DDX6: variants seen among roughly 807,000 people sequenced by gnomAD.
The protein encoded by DDX6 is DEAD-box helicase 6, also known as probable ATP-dependent RNA helicase DDX6.
Under a neutral mutation model 60.6 loss-of-function variants are expected in DDX6, and 7 were observed. The observed-to-expected ratio is 0.12, with a 90% CI of 0.07 to 0.22. The LOEUF (loss-of-function observed/expected upper bound fraction) is 0.22, where lower values mean the gene tolerates loss of function less well. DDX6 is among the 10% of genes least tolerant of loss of function. The probability of loss-of-function intolerance (pLI) is 1.00; values close to 1 mark genes in which losing one functional copy is unlikely to be tolerated. For missense variants in DDX6, 270 were observed against 589.9 expected (o/e 0.46, Z 5.62); for synonymous variants, 207 against 201.0 (o/e 1.03, Z -0.25).
At chr11:118,790,692 A>C (rs954116487) in intron 1 of DDX6, among the ~76,000 whole-genome samples, 2 of 151,740 alleles carry the variant, frequency 1.3e-5, no homozygotes, top group African/African-American at 4.8e-5. Context: ...CCACATTCCT[A>C]TATTCGCCTC....
chr11:118,781,030 T>C, intron 3 of DDX6, 91 bp downstream of exon 3: 1 of 858,014 alleles, frequency 1.2e-6, no homozygotes, highest in Non-Finnish European at 1.9e-6. Flanking sequence ...GTTATGGTCC[T>C]GAAACCAATT....
At chr11:118,752,994 G>A (rs1555157793) in intron 13 of DDX6, among the ~76,000 whole-genome samples, 2 of 152,140 alleles carry the variant, frequency 1.3e-5, no homozygotes, top group African/African-American at 4.8e-5. Flanking sequence ...TTATGTATTT[G>A]ACGGAGTTTC....
At chr11:118,764,428 G>A (rs1333631293) in intron 6 of DDX6, among the ~76,000 whole-genome samples, 4 of 120 alleles carry the variant, frequency 0.033, no homozygotes, top group African/African-American at 0.071. Flanking sequence ...TTTTCGGCAC[G>A]ACAATACCAC....
At chr11:118,780,608 T>C (rs1383004599) in intron 3 of DDX6, among the ~76,000 whole-genome samples, 3 of 152,202 alleles carry the variant, frequency 2.0e-5, no homozygotes, top group Non-Finnish European at 2.9e-5. Flanking sequence ...AGAGCCACTG[T>C]GCCCGGCCCT....
At chr11:118,758,013 A>G (rs1448955186) in intron 9 of DDX6, among the ~76,000 whole-genome samples, 2 of 152,180 alleles carry the variant, frequency 1.3e-5, no homozygotes, top group Admixed American at 1.3e-4. Flanking sequence ...AACATGGCAG[A>G]CTGTGAAAAG....
chr11:118,754,265 AC>A (rs879949166), intron 13 of DDX6, among the ~76,000 whole-genome samples: 22 of 152,156 alleles, frequency 1.4e-4, no homozygotes, highest in Non-Finnish European at 3.1e-4. Context: ...CCTTGTTTCT[AC>A]CAAAAATTTA....
chr11:118,754,742 G>A lies in DDX6; in HGVS notation c.1422C>T (p.His474=). ...IDKSLYVAEY[H]SEPVEDEKP is the part of the protein sequence containing the mutation. ...GTTTCTCATCTTCTACAGGCTCGCT[G>A]TGGTATTCTGCCACATACAGGCTCT... Residue 474 remains histidine (H), a synonymous_variant, in exon 13 of 14, where the codon CAC becomes CAT. Transcript: ENST00000534980. The A allele has an allele frequency of 1.9e-6, 3 of 1,612,632 alleles. 1 individual carries two copies. The highest frequency in any genetic ancestry group is 2.2e-5 in the South Asian group (2 of 90,630).
intron 7 of DDX6, among the ~76,000 whole-genome samples, chr11:118,760,955 T>C (rs1431137100): frequency 1.3e-5 from 2 of 151,716 alleles, no homozygotes; most frequent in East Asian, 2.0e-4. Flanking sequence ...GACTGGTTGA[T>C]ATGGTGAAAC....
In DDX6 at chr11:118,748,215, A is replaced by G. The variant is rs1860627348; in HGVS notation, c.*3890T>C. 6.6e-6 allele frequency: 1 copy of G among 152,112 alleles called. No individual in the cohort carries two copies. The highest frequency in any genetic ancestry group is 2.4e-5 in the African/African-American group (1 of 41,420). 9.4% of individuals were successfully genotyped at this position (152,112 alleles called of 1,614,324 possible). The stretch of plus-strand genomic sequence containing the variant: ...CCCAGCATTGTCTACTGGAGAATTT[A>G]AATACACTTCTGTTGGAATCTGTCA... On this transcript the variant is annotated 3_prime_UTR_variant, in exon 14 of 14. Transcript: ENST00000534980.
intron 3 of DDX6, 36 bp downstream of exon 3, chr11:118,781,085 C>T (rs1555164597): frequency 7.0e-7 from 1 of 1,425,890 alleles, no homozygotes; most frequent in Admixed American, 1.9e-5. Context: ...TCTAGTTCCC[C>T]ACCATTATTC....
At chr11:118,772,822 T>C (rs1555162856) in intron 4 of DDX6, among the ~76,000 whole-genome samples, 1 of 152,158 alleles carries the variant, frequency 6.6e-6, no homozygotes, top group Non-Finnish European at 1.5e-5. Flanking sequence ...AACACCCCAA[T>C]TTCCTTCTAA....
chr11:118,784,619 C>G (rs919637746), intron 2 of DDX6, among the ~76,000 whole-genome samples: 1 of 152,006 alleles, frequency 6.6e-6, no homozygotes, highest in Non-Finnish European at 1.5e-5. Context: ...CCATCACACC[C>G]AGCTGATTTT....
In DDX6 at chr11:118,758,395, C is replaced by T. The variant is rs563160480; in HGVS notation, c.993+379G>A. On this transcript the variant is annotated intron_variant, in intron 9 of 13. Coordinates refer to ENST00000534980, the MANE Select transcript of DDX6 (RefSeq NM_004397.6). The stretch of plus-strand genomic sequence containing the variant: ...AATCTTTTTTTTTTTCTTCCCAAGA[C>T]GGAGTCTTGCTCTGTCGCCCAGAGC... Among the ~76,000 whole-genome samples the T allele has an allele frequency of 1.5e-4, 23 of 151,856 alleles. No individual in the cohort carries two copies. The South Asian group carries it at 1.9e-3, about 12-fold the overall frequency.
intron 4 of DDX6, among the ~76,000 whole-genome samples, chr11:118,775,338 G>A (rs576715432): frequency 6.6e-6 from 1 of 152,072 alleles, no homozygotes; most frequent in Non-Finnish European, 1.5e-5. Flanking sequence ...ATTTACTCAT[G>A]TAACCAAACA....
intron 3 of DDX6, among the ~76,000 whole-genome samples, chr11:118,780,030 C>T (rs1555164354): frequency 2.2e-5 from 3 of 139,088 alleles, no homozygotes; most frequent in Non-Finnish European, 1.5e-5. Context: ...GCAGGAGAAT[C>T]GCTTGAACCC....
intron 7 of DDX6, among the ~76,000 whole-genome samples, chr11:118,761,186 T>C (rs938877422): frequency 3.9e-5 from 6 of 152,272 alleles, no homozygotes; most frequent in African/African-American, 1.4e-4. Flanking sequence ...GTTGAAATCT[T>C]GCCTCCTTCA....
chr11:118,754,530 T>C lies in DDX6; in HGVS notation c.*7+175A>G, dbSNP rs1860897003. ...GCATTCAAGAACAACATTTACAGAT[T>C]CTCGAATGAGACTACAACCTCCCAC... On this transcript the variant is annotated intron_variant, in intron 13 of 13. Coordinates refer to ENST00000534980, the MANE Select transcript of DDX6 (RefSeq NM_004397.6). 22 of 506,388 alleles carry C rather than the reference T, an allele frequency of 4.3e-5. No homozygotes were observed. In the South Asian group the frequency reaches 7.8e-4, roughly 18 times the overall value. 31.4% of individuals were successfully genotyped at this position (506,388 alleles called of 1,614,324 possible). A position where few individuals can be genotyped will look rare whatever the true frequency, so the allele number is the denominator to read the frequency against.
In DDX6 at chr11:118,779,155, C is replaced by A. The variant is rs1181813511; in HGVS notation, c.369+477G>T. 2.5e-4 allele frequency among the ~76,000 whole-genome samples: 6 copies of A among 23,612 alleles called. No individual in the cohort carries two copies. The East Asian group carries it at 9.1e-3, about 36-fold the overall frequency. 15.5% of individuals were successfully genotyped at this position (23,612 alleles called of 152,430 possible). On this transcript the variant is annotated intron_variant, in intron 4 of 13. Coordinates refer to ENST00000534980, the MANE Select transcript of DDX6 (RefSeq NM_004397.6). ...TGGGTGACAGGGCAAGACCCAGTTG[C>A]CAAAAAAAAAAAAAAAAAAGAGGGA...
At chr11:118,775,720 T>TA (rs1861675271) in intron 4 of DDX6, among the ~76,000 whole-genome samples, 2 of 152,340 alleles carry the variant, frequency 1.3e-5, no homozygotes, top group Admixed American at 1.3e-4. Context: ...TCAGATTGGT[T>TA]AAGTGGCTGA....
Sources: gnomAD v4.1 joint callset for allele counts (sites outside exome capture counted in the v4.1 genomes callset) on GRCh38, gnomAD v4.1.1 for gene constraint, MANE v1.5 for transcripts, NCBI Gene and HGNC (gene_info 2026-07-23, HGNC 2026-07-21) for gene names.